CSMD1: variants seen among roughly 807,000 people sequenced by gnomAD.
CSMD1 encodes the protein CUB and Sushi multiple domains 1, also known as CUB and sushi domain-containing protein 1.
A neutral mutation model predicts 417.5 loss-of-function variants in CSMD1; 213 were observed. The ratio of observed to expected loss-of-function variants is 0.51; its 90% CI spans 0.46 to 0.57. The LOEUF is 0.57. Ranked by LOEUF, CSMD1 falls within the 20% of genes least tolerant of loss-of-function variation. The pLI is 0.00. For missense variants in CSMD1, 6,923 were observed against 4,529.7 expected, an observed-to-expected ratio of 1.53 and a Z score of -15.17; for synonymous variants, 2,862 against 1,736.8, an observed-to-expected ratio of 1.65 and a Z score of -16.11.
intron 3 of CSMD1, among the ~76,000 whole-genome samples, chr8:4,088,832 C>G (rs567337135): frequency 3.2e-4 from 48 of 152,284 alleles, no homozygotes; most frequent in Non-Finnish European, 6.6e-4. Context: ...ATCCCTCCCT[C>G]TGGAATCACT....
chr8:3,695,362 A>G (rs1800492702), intron 7 of CSMD1, among the ~76,000 whole-genome samples: 2 of 152,052 alleles, frequency 1.3e-5, no homozygotes, highest in African/African-American at 4.8e-5. Flanking sequence ...TAACCACAAA[A>G]AAAAATAATG....
intron 49 of CSMD1, among the ~76,000 whole-genome samples, chr8:3,075,218 A>G (rs1813570243): frequency 6.7e-6 from 1 of 149,362 alleles, no homozygotes; most frequent in Admixed American, 6.6e-5. Flanking sequence ...AGCTAATTAA[A>G]CCTCTTTTCT....
intron 69 of CSMD1, among the ~76,000 whole-genome samples, chr8:2,942,123 C>T (rs1192235929): frequency 6.6e-6 from 1 of 151,892 alleles, no homozygotes; most frequent in Non-Finnish European, 1.5e-5. Flanking sequence ...GGGAGCTGAA[C>T]GATGAGAACA....
chr8:4,875,702 G>C (rs774027960), intron 1 of CSMD1, among the ~76,000 whole-genome samples: 47 of 152,106 alleles, frequency 3.1e-4, no homozygotes, highest in Non-Finnish European at 7.3e-5. Flanking sequence ...GTAGAGCTGA[G>C]AAACCAAGAT....
intron 1 of CSMD1, among the ~76,000 whole-genome samples, chr8:4,801,182 C>A (rs1460051140): frequency 1.3e-5 from 2 of 152,134 alleles, no homozygotes; most frequent in Non-Finnish European, 2.9e-5. Flanking sequence ...CTGTCTGTGC[C>A]CTTTTCCTAC....
chr8:4,082,173 A>C (rs963344243), intron 3 of CSMD1, among the ~76,000 whole-genome samples: 68 of 152,298 alleles, frequency 4.5e-4, no homozygotes, highest in Non-Finnish European at 1.8e-4. Context: ...GACATTAAAG[A>C]GCGTACAAGA....
At chr8:3,551,760 G>T (rs1018812334) in intron 10 of CSMD1, among the ~76,000 whole-genome samples, 1 of 152,100 alleles carries the variant, frequency 6.6e-6, no homozygotes, top group Non-Finnish European at 1.5e-5. Context: ...TCCGTGACAA[G>T]CTGCGATAAT....
At chr8:4,798,097 T>A (rs1798079109) in intron 1 of CSMD1, among the ~76,000 whole-genome samples, 1 of 152,232 alleles carries the variant, frequency 6.6e-6, no homozygotes, top group Admixed American at 6.5e-5. Context: ...TGTGCCATGT[T>A]GGCATGCTGT....
chr8:4,884,786 T>A (rs1159522671), intron 1 of CSMD1, among the ~76,000 whole-genome samples: 1 of 152,044 alleles, frequency 6.6e-6, no homozygotes, highest in Non-Finnish European at 1.5e-5. Flanking sequence ...GGAATAAGAT[T>A]TGGGAAGCAT....
chr8:4,405,236 G>C (rs561594005), intron 3 of CSMD1, among the ~76,000 whole-genome samples: 256 of 152,298 alleles, frequency 1.7e-3, no homozygotes, highest in African/African-American at 5.9e-3. Flanking sequence ...TGCATCAATG[G>C]AAATGCTTAG....
At chr8:3,237,359 C>T (rs945286241) in intron 26 of CSMD1, among the ~76,000 whole-genome samples, 3 of 151,276 alleles carry the variant, frequency 2.0e-5, no homozygotes, top group African/African-American at 4.9e-5. Flanking sequence ...CTCAGCTACT[C>T]GGGAGGCTGA....
chr8:3,417,408 A>C (rs1813224822), intron 12 of CSMD1, among the ~76,000 whole-genome samples: 1 of 152,216 alleles, frequency 6.6e-6, no homozygotes, highest in African/African-American at 2.4e-5. Flanking sequence ...TGCCTGTGTA[A>C]GATATTTACA....
chr8:4,679,702 G>C (rs1805916561), intron 1 of CSMD1, among the ~76,000 whole-genome samples: 1 of 152,164 alleles, frequency 6.6e-6, no homozygotes, highest in Non-Finnish European at 1.5e-5. Context: ...CAGACACTCA[G>C]TGGATTTTTG....
chr8:4,186,378 C>T (rs150767314), intron 3 of CSMD1, among the ~76,000 whole-genome samples: 29 of 152,248 alleles, frequency 1.9e-4, no homozygotes, highest in African/African-American at 6.5e-4. Context: ...TTGAATGCAG[C>T]ATCTCTGCTC....
At chr8:3,167,239 C>G (rs971328691) in intron 37 of CSMD1, among the ~76,000 whole-genome samples, 2 of 146,462 alleles carry the variant, frequency 1.4e-5, no homozygotes, top group South Asian at 4.4e-4. Flanking sequence ...GAGCCGAGAT[C>G]GCACACTGCA....
chr8:3,918,376 A>G (rs1808977623), intron 5 of CSMD1, among the ~76,000 whole-genome samples: 1 of 152,112 alleles, frequency 6.6e-6, no homozygotes, highest in South Asian at 2.1e-4. Context: ...ATTTTTATAT[A>G]ATGGCCATCT....
chr8:3,892,688 G>T (rs1275959447), intron 5 of CSMD1, among the ~76,000 whole-genome samples: 2 of 149,996 alleles, frequency 1.3e-5, no homozygotes, highest in Non-Finnish European at 3.0e-5. Flanking sequence ...GAATTAAGTA[G>T]GCACTTATTT....
intron 5 of CSMD1, among the ~76,000 whole-genome samples, chr8:3,865,783 C>T (rs527509844): frequency 7.2e-5 from 11 of 152,254 alleles, no homozygotes; most frequent in Non-Finnish European, 1.3e-4. Flanking sequence ...TCATATTTCT[C>T]TAAAATAAGT....
intron 12 of CSMD1, 76 bp downstream of exon 12, chr8:3,468,636 C>T (rs1294526168): frequency 3.5e-6 from 3 of 853,056 alleles, no homozygotes; most frequent in Admixed American, 2.5e-5. Flanking sequence ...TTACTTCTAC[C>T]TAACCAACAC....
Sources: allele counts gnomAD v4.1 joint callset (sites outside exome capture counted in the v4.1 genomes callset), GRCh38; gene constraint gnomAD v4.1.1; transcripts MANE v1.5; gene names NCBI Gene and HGNC (gene_info 2026-07-23, HGNC 2026-07-21).